ERBB4: variants seen among roughly 807,000 people sequenced by gnomAD.
ERBB4 encodes receptor tyrosine-protein kinase erbB-4.
ERBB4 carries 42 observed loss-of-function variants against 158.0 expected under a neutral mutation model. The ratio of observed to expected loss-of-function variants is 0.27; its 90% CI spans 0.21 to 0.34. ERBB4 has a LOEUF of 0.34. Among genes scored for constraint, ERBB4 ranks in the 10% least tolerant of loss-of-function variants. The pLI is 1.00. For missense variants in ERBB4, 1,333 were observed against 1,624.1 expected, an observed-to-expected ratio of 0.82 and a Z score of 3.08; for synonymous variants, 583 against 558.7, an observed-to-expected ratio of 1.04 and a Z score of -0.61.
At chr2:211,506,415 T>G (rs1024251556) in intron 20 of ERBB4, among the ~76,000 whole-genome samples, 12 of 152,050 alleles carry the variant, frequency 7.9e-5, no homozygotes, top group African/African-American at 2.9e-4. Flanking sequence ...ATGGACCTAA[T>G]AGACATTTAT....
At chr2:211,668,559 A>T (rs2105927163) in intron 14 of ERBB4, among the ~76,000 whole-genome samples, 1 of 152,282 alleles carries the variant, frequency 6.6e-6, no homozygotes, top group East Asian at 1.9e-4. Flanking sequence ...ACAGACAACT[A>T]AAGGATAGGC....
chr2:211,560,824 G>A (rs1415871370), intron 20 of ERBB4, among the ~76,000 whole-genome samples: 2 of 152,026 alleles, frequency 1.3e-5, no homozygotes, highest in African/African-American at 4.8e-5. Flanking sequence ...GAGCTTTTCT[G>A]TCAAGTAAAA....
At chr2:211,741,413 T>C (rs1425324919) in intron 5 of ERBB4, among the ~76,000 whole-genome samples, 1 of 151,314 alleles carries the variant, frequency 6.6e-6, no homozygotes, top group Non-Finnish European at 1.5e-5. Context: ...TCTCAATCTA[T>C]ATCTGTATCT....
At chr2:212,535,541 C>T (rs1693003899) in intron 1 of ERBB4, among the ~76,000 whole-genome samples, 1 of 152,108 alleles carries the variant, frequency 6.6e-6, no homozygotes, top group African/African-American at 2.4e-5. Flanking sequence ...CGTTTATCTA[C>T]TAAGGTATAT....
rs1484097793 is a variant in ERBB4 at position 212,438,116 on chromosome 2, C to T, written c.82+100333G>A. On this transcript the variant is annotated intron_variant, in intron 1 of 27. Transcript: ENST00000342788. ...TTGTTTGTTTGTTTCTAGACTAGTG[C>T]TCATAATTCAGATAACATCTACCAG... Among the ~76,000 whole-genome samples the T allele has an allele frequency of 2.6e-5, 4 of 151,914 alleles. No homozygotes were observed. The East Asian group carries it at 5.8e-4, about 22-fold the overall frequency.
chr2:212,368,007 T>A (rs1222039812), intron 1 of ERBB4, among the ~76,000 whole-genome samples: 1 of 152,106 alleles, frequency 6.6e-6, no homozygotes, highest in African/African-American at 2.4e-5. Flanking sequence ...GTACAGCCAC[T>A]ATAAAAACAA....
chr2:212,536,527 C>A (rs543967982), intron 1 of ERBB4, among the ~76,000 whole-genome samples: 4 of 152,154 alleles, frequency 2.6e-5, no homozygotes, highest in Admixed American at 6.5e-5. Context: ...AACAATGGCA[C>A]GCTAATCCTC....
At chr2:211,706,422 C>T (rs1401399365) in intron 9 of ERBB4, among the ~76,000 whole-genome samples, 7 of 152,012 alleles carry the variant, frequency 4.6e-5, no homozygotes, top group Non-Finnish European at 7.4e-5. Context: ...AGGCATATGG[C>T]CTATGTCCTG....
At chr2:212,096,754 G>A (rs1477018969) in intron 2 of ERBB4, among the ~76,000 whole-genome samples, 1 of 152,168 alleles carries the variant, frequency 6.6e-6, no homozygotes, top group Non-Finnish European at 1.5e-5. Context: ...TAATAAGCCA[G>A]AGCAGGATAA....
chr2:212,191,622 A>T (rs888088113), intron 1 of ERBB4, among the ~76,000 whole-genome samples: 1 of 133,050 alleles, frequency 7.5e-6, no homozygotes, highest in East Asian at 2.0e-4. Flanking sequence ...TATATATAAC[A>T]CATGTGTTAT....
chr2:211,619,301 A>G (rs1307771559), intron 18 of ERBB4, 26 bp from the exon 19 acceptor site: 1 of 1,252,164 alleles, frequency 8.0e-7, no homozygotes, highest in Admixed American at 1.7e-5. Flanking sequence ...TTTACATTAA[A>G]TATGACATCT....
intron 1 of ERBB4, among the ~76,000 whole-genome samples, chr2:212,240,665 A>AAAAAAAAAAAAAAAAAAAAAAC (rs1559823350): frequency 6.9e-6 from 1 of 145,800 alleles, no homozygotes; most frequent in African/African-American, 2.6e-5. Context: ...AAAAAAAAAA[A>AAAAAAAAAAAAAAAAAAAAAAC]AACAGAAAAA....
chr2:211,744,694 C>A (rs1292116359), intron 5 of ERBB4, among the ~76,000 whole-genome samples: 1 of 152,220 alleles, frequency 6.6e-6, no homozygotes. Flanking sequence ...AAGAGGATAA[C>A]TCCCAGCACA....
intron 1 of ERBB4, among the ~76,000 whole-genome samples, chr2:212,520,074 TATATC>T (rs1011184065): frequency 8.6e-5 from 10 of 116,874 alleles, no homozygotes; most frequent in African/African-American, 3.0e-4. Context: ...AAAAGAAACA[TATATC>T]AGGATACCTT....
intron 1 of ERBB4, among the ~76,000 whole-genome samples, chr2:212,357,219 A>C (rs893841625): frequency 8.6e-5 from 13 of 151,816 alleles, no homozygotes; most frequent in Non-Finnish European, 1.5e-4. Context: ...CTTTAAAATA[A>C]AAAAAGGATT....
intron 1 of ERBB4, among the ~76,000 whole-genome samples, chr2:212,202,196 G>A (rs754865307): frequency 5.9e-5 from 9 of 152,076 alleles, no homozygotes; most frequent in South Asian, 2.1e-4. Flanking sequence ...ATGGTGGTGC[G>A]AAATTTTATA....
At chr2:211,510,747 CTG>C (rs913466809) in intron 20 of ERBB4, among the ~76,000 whole-genome samples, 3 of 151,986 alleles carry the variant, frequency 2.0e-5, no homozygotes, top group Non-Finnish European at 4.4e-5. Context: ...GCTTCAATGA[CTG>C]TGCATTTTAT....
chr2:212,260,400 A>G (rs758537808), intron 1 of ERBB4, among the ~76,000 whole-genome samples: 1 of 152,226 alleles, frequency 6.6e-6, no homozygotes, highest in Non-Finnish European at 1.5e-5. Flanking sequence ...TATTATGACC[A>G]AAGTTTGAAA....
intron 5 of ERBB4, among the ~76,000 whole-genome samples, chr2:211,740,562 G>A (rs2074753402): frequency 6.8e-6 from 1 of 146,738 alleles, no homozygotes; most frequent in Non-Finnish European, 1.5e-5. Context: ...TCTCTGTACT[G>A]TACCCCTTCC....
Sources: allele counts gnomAD v4.1 joint callset (sites outside exome capture counted in the v4.1 genomes callset), GRCh38; gene constraint gnomAD v4.1.1; transcripts MANE v1.5; gene names NCBI Gene and HGNC (gene_info 2026-07-23, HGNC 2026-07-21).